ZNF248: variants seen among roughly 807,000 people sequenced by gnomAD.
ZNF248 encodes zinc finger protein 248, also known as KRAB protein domain.
In ZNF248, 20 loss-of-function variants were observed where a neutral mutation model predicts 44.3. The ratio of observed to expected loss-of-function variants is 0.45; its 90% CI spans 0.32 to 0.66. The LOEUF (loss-of-function observed/expected upper bound fraction) is 0.66, where lower values mean the gene tolerates loss of function less well. Ranked by LOEUF, ZNF248 falls within the 30% of genes least tolerant of loss-of-function variation. The probability of loss-of-function intolerance (pLI) is 0.04; values close to 1 mark genes in which losing one functional copy is unlikely to be tolerated. For synonymous variants in ZNF248, 224 were observed against 229.0 expected (o/e 0.98, Z 0.20); for missense variants, 654 against 677.0 (o/e 0.97, Z 0.38).
chr10:37,759,815 C>G, the ZNF248 span, among the ~76,000 whole-genome samples: 1 of 152,180 alleles, frequency 6.6e-6, no homozygotes, highest in African/African-American at 2.4e-5. Context: ...TTGTGGCATC[C>G]TGAAGACATT....
intron 6 of ZNF248, among the ~76,000 whole-genome samples, chr10:37,797,576 A>T (rs1239298304): frequency 6.6e-6 from 1 of 151,464 alleles, no homozygotes; most frequent in Non-Finnish European, 1.5e-5. Flanking sequence ...CTGGTATCCA[A>T]ATATATTTTT....
At position 37,779,970 on chromosome 10, in the gene ZNF248, ACCT is replaced by A. The variant is rs2047079487; in HGVS notation, c.331-3398_331-3396del. ...ATCCACCTTACAAGGGATGTGAAGG[ACCT>A]CTTCAAGGAGAACTACAAACCACTG... On this transcript the variant is annotated intron_variant, in intron 6 of 6. Transcript: ENST00000615949. 2.0e-5 allele frequency among the ~76,000 whole-genome samples: 3 copies of A among 150,572 alleles called. No individual in the cohort carries two copies. In the South Asian group the frequency reaches 6.3e-4, roughly 31 times the overall value.
rs750965647 is a variant in ZNF248, at chr10:37,831,932, G to A, written c.1423C>T (p.His475Tyr). ...TGATGCACAGTGAGGGCTGATCTGTGGCAGAAGGATTTCCCACATGCATTA... is the reference window on the plus strand; with the variant it reads ...TGATGCACAGTGAGGGCTGATCTGTAGCAGAAGGATTTCCCACATGCATTA... ...ECNACGKSFC[H>Y]RSALTVHQRT... Residue 475 changes from histidine (H) to tyrosine (Y), a missense_variant, in exon 6 of 6, where the codon CAC becomes TAC. Transcript: ENST00000395867. The A allele has an allele frequency of 1.9e-6, 3 of 1,613,480 alleles. No homozygotes were observed. The highest frequency in any genetic ancestry group is 1.7e-5 in the Admixed American group (1 of 59,944).
chr10:37,769,574 G>A, the ZNF248 span, among the ~76,000 whole-genome samples: 7 of 152,060 alleles, frequency 4.6e-5, no homozygotes, highest in African/African-American at 1.7e-4. Context: ...ATTCAACAAT[G>A]CTTCATGCTA....
chr10:37,815,640 T>C (rs1307795782), intron 6 of ZNF248, among the ~76,000 whole-genome samples: 2 of 152,052 alleles, frequency 1.3e-5, no homozygotes, highest in Non-Finnish European at 2.9e-5. Context: ...GGACAGTTTC[T>C]TTTCTTTTTT....
downstream of ZNF248, among the ~76,000 whole-genome samples, chr10:37,826,363 C>A (rs539506766): frequency 6.6e-6 from 1 of 152,120 alleles, no homozygotes; most frequent in African/African-American, 2.4e-5. Context: ...GTGGTAAAGT[C>A]ATGTCAGTGA....
At chr10:37,854,717 A>C (rs78127984) in intron 3 of ZNF248, among the ~76,000 whole-genome samples, 1 of 152,226 alleles carries the variant, frequency 6.6e-6, no homozygotes, top group Non-Finnish European at 1.5e-5. Context: ...ATACACACAA[A>C]ATTATAAATG....
chr10:37,830,376 T>C lies in ZNF248; in HGVS notation c.*1239A>G. 13 of 985,410 alleles carry C rather than the reference T, an allele frequency of 1.3e-5. No individual in the cohort carries two copies. The highest frequency in any genetic ancestry group is 1.6e-5 in the Non-Finnish European group (13 of 829,934). The allele number at this position is 985,410 out of a possible 1,614,324, so 61.0% of individuals were successfully genotyped here. On this transcript the variant is annotated 3_prime_UTR_variant, in exon 6 of 6. Transcript: ENST00000395867. ...AAACAGTCAGAGGAAAGGTACGTGA[T>C]ATAGTTCTTTGTGAAATAATATTTC...
the ZNF248 span, among the ~76,000 whole-genome samples, chr10:37,763,515 C>CAGAG: frequency 6.6e-6 from 1 of 152,138 alleles, no homozygotes; most frequent in Non-Finnish European, 1.5e-5. Flanking sequence ...CCTTTGGCTA[C>CAGAG]CTGTAATACT....
chr10:37,809,892 GA>G (rs2051217424), intron 6 of ZNF248, among the ~76,000 whole-genome samples: 1 of 152,030 alleles, frequency 6.6e-6, no homozygotes, highest in Non-Finnish European at 1.5e-5. Context: ...TGTGGTCGTA[GA>G]ATATACTTTG....
At chr10:37,767,673 C>G in the ZNF248 span, among the ~76,000 whole-genome samples, 1 of 152,058 alleles carries the variant, frequency 6.6e-6, no homozygotes, top group East Asian at 1.9e-4. Flanking sequence ...CAAAAACATG[C>G]CAAAATGTAA....
chr10:37,786,856 T>G (rs1402073215), intron 6 of ZNF248, among the ~76,000 whole-genome samples: 1 of 152,246 alleles, frequency 6.6e-6, no homozygotes, highest in Non-Finnish European at 1.5e-5. Flanking sequence ...GCACAAAAGT[T>G]TTAATTTTGT....
At chr10:37,823,265 C>T (rs1413336982) in intron 6 of ZNF248, among the ~76,000 whole-genome samples, 5 of 119,802 alleles carry the variant, frequency 4.2e-5, no homozygotes, top group East Asian at 3.0e-4. Context: ...ACCTGGGAGG[C>T]GGAGGTTGCA....
downstream of ZNF248, among the ~76,000 whole-genome samples, chr10:37,824,972 G>A (rs2054142911): frequency 6.6e-6 from 1 of 150,802 alleles, no homozygotes; most frequent in Non-Finnish European, 1.5e-5. Context: ...ACAGACGTGA[G>A]CCACCGCACC....
At chr10:37,797,369 A>G (rs1292288554) in intron 6 of ZNF248, among the ~76,000 whole-genome samples, 5 of 152,120 alleles carry the variant, frequency 3.3e-5, no homozygotes, top group African/African-American at 1.2e-4. Context: ...ACATAGGGCA[A>G]AATCTTAGAT....
intron 6 of ZNF248, chr10:37,791,514 A>G (rs1159454809): frequency 1.3e-5 from 2 of 152,116 alleles, no homozygotes; most frequent in Non-Finnish European, 2.9e-5. Flanking sequence ...TCATATACCA[A>G]TTGAAGAGGT....
intron 6 of ZNF248, among the ~76,000 whole-genome samples, chr10:37,798,842 A>G (rs542544495): frequency 1.3e-5 from 2 of 152,324 alleles, no homozygotes; most frequent in Admixed American, 1.3e-4. Flanking sequence ...CACATTGTGT[A>G]TGATTTATAT....
chr10:37,779,201 GAC>G (rs2046982351), intron 6 of ZNF248, among the ~76,000 whole-genome samples: 1 of 152,088 alleles, frequency 6.6e-6, no homozygotes, highest in Non-Finnish European at 1.5e-5. Context: ...GCCAGGCAGA[GAC>G]ACAACAAAAA....
chr10:37,768,689 C>A, the ZNF248 span, among the ~76,000 whole-genome samples: 2 of 152,112 alleles, frequency 1.3e-5, no homozygotes, highest in African/African-American at 4.8e-5. Context: ...AAAATTGACA[C>A]CCTAACGTCA....
Sources: allele counts gnomAD v4.1 joint callset (sites outside exome capture counted in the v4.1 genomes callset), GRCh38; gene constraint gnomAD v4.1.1; transcripts MANE v1.5; gene names NCBI Gene and HGNC (gene_info 2026-07-23, HGNC 2026-07-21).